The following TIAM1 variants were observed in gnomAD, a reference collection of about 807,000 sequenced individuals.
The protein encoded by TIAM1 is TIAM Rac1 associated GEF 1, also known as rho guanine nucleotide exchange factor TIAM1.
TIAM1 carries 65 observed loss-of-function variants against 163.5 expected under a neutral mutation model. The observed-to-expected ratio is 0.40, with a 90% CI of 0.33 to 0.49. The LOEUF (loss-of-function observed/expected upper bound fraction) is 0.49. Ranked by LOEUF, TIAM1 falls within the 20% of genes least tolerant of loss-of-function variation. The probability of loss-of-function intolerance (pLI) is 0.77; values close to 1 mark genes in which losing one functional copy is unlikely to be tolerated. For synonymous variants in TIAM1, 833 were observed against 810.1 expected (o/e 1.03, Z -0.48); for missense variants, 1,789 against 2,044.7 (o/e 0.87, Z 2.41).
At chr21:31,153,261 G>A (rs374015503) in intron 17 of TIAM1, 127 bp from the exon 18 acceptor site, 16 of 713,004 alleles carry the variant, frequency 2.2e-5, no homozygotes, top group Admixed American at 3.6e-5. Flanking sequence ...ATCCTGTCCC[G>A]AAGGCTAACG....
At chr21:31,420,479 C>G (rs1261673266) in intron 2 of TIAM1, among the ~76,000 whole-genome samples, 1 of 152,188 alleles carries the variant, frequency 6.6e-6, no homozygotes, top group Admixed American at 6.5e-5. Context: ...TCCAGTATCC[C>G]AGACCCTAAA....
intron 2 of TIAM1, among the ~76,000 whole-genome samples, chr21:31,444,082 G>A (rs1295631697): frequency 6.6e-6 from 1 of 152,158 alleles, no homozygotes; most frequent in African/African-American, 2.4e-5. Flanking sequence ...ATTTCATTAA[G>A]TAAAAAATTT....
At chr21:31,329,069 T>C (rs1391538814) in intron 2 of TIAM1, among the ~76,000 whole-genome samples, 1 of 152,224 alleles carries the variant, frequency 6.6e-6, no homozygotes, top group African/African-American at 2.4e-5. Context: ...CTAAATTATA[T>C]GCAAATGCTA....
chr21:31,349,734 C>A lies in TIAM1; in HGVS notation c.-368-10312G>T, dbSNP rs552546164. Reference sequence around the variant, plus strand: ...GTCAGGGAGTATCCCATCGGGGAGGCCTCATTGGGTCATGAGAGAAGCAAG... The same window carrying A: ...GTCAGGGAGTATCCCATCGGGGAGGACTCATTGGGTCATGAGAGAAGCAAG... On this transcript the variant is annotated intron_variant, in intron 2 of 28. Transcript: ENST00000286827. Among the ~76,000 whole-genome samples the A allele has an allele frequency of 6.6e-5, 10 of 152,270 alleles. No homozygotes were observed. In the South Asian group the frequency reaches 1.9e-3, roughly 28 times the overall value.
intron 23 of TIAM1, among the ~76,000 whole-genome samples, chr21:31,134,374 T>C (rs939767727): frequency 6.6e-6 from 1 of 152,142 alleles, no homozygotes; most frequent in Admixed American, 6.5e-5. Context: ...CAAGTGGTGA[T>C]GTTGAAAAGA....
rs949289217 is a variant in TIAM1 at position 31,120,305 on chromosome 21, G to A, written c.*63C>T. ...GGGGACATTCTTGTCGACGGTACAG[G>A]AGGGTGGGCAGAGTTAGGGCAGGAA... is the stretch of plus-strand genomic sequence containing the variant. On this transcript the variant is annotated 3_prime_UTR_variant, in exon 28 of 28. Transcript: ENST00000541036. The surrounding 1 kb of genome is among the most constrained non-coding windows in gnomAD (Gnocchi z 4.2). The A allele has an allele frequency of 7.4e-6, 11 of 1,483,848 alleles. No homozygotes were observed. In the South Asian group the frequency reaches 9.3e-5, roughly 13 times the overall value. The allele number at this position is 1,483,848 out of a possible 1,614,324, so 91.9% of individuals were successfully genotyped here. A position where few individuals can be genotyped will look rare whatever the true frequency, so the allele number is the denominator to read the frequency against.
intron 2 of TIAM1, among the ~76,000 whole-genome samples, chr21:31,456,952 G>A (rs559174926): frequency 1.3e-5 from 2 of 152,206 alleles, no homozygotes; most frequent in East Asian, 3.9e-4. Flanking sequence ...ACCCAACATT[G>A]CACTTGGTTG....
chr21:31,413,398 T>A (rs1471762682), intron 2 of TIAM1, among the ~76,000 whole-genome samples: 1 of 151,246 alleles, frequency 6.6e-6, no homozygotes, highest in East Asian at 2.0e-4. Context: ...GCCTCCCAAG[T>A]AGCTGGGACT....
intron 2 of TIAM1, among the ~76,000 whole-genome samples, chr21:31,449,617 A>T (rs553822078): frequency 6.6e-6 from 1 of 152,212 alleles, no homozygotes; most frequent in Non-Finnish European, 1.5e-5. Context: ...ACCTCAGATG[A>T]TCTGCCCGCC....
At chr21:31,219,517 G>T (rs2087425231) in intron 8 of TIAM1, among the ~76,000 whole-genome samples, 1 of 152,198 alleles carries the variant, frequency 6.6e-6, no homozygotes, top group Non-Finnish European at 1.5e-5. Flanking sequence ...TCAGCGTGTT[G>T]GTTGGAAGGC....
intron 2 of TIAM1, among the ~76,000 whole-genome samples, chr21:31,323,916 G>A (rs1237667047): frequency 1.3e-5 from 2 of 151,722 alleles, no homozygotes; most frequent in African/African-American, 4.8e-5. Flanking sequence ...GCTGAGGTGG[G>A]AGGATCACTG....
rs2074293376 is a variant in TIAM1, at chr21:31,296,886, A to C, written c.-188-19978T>G. ...CATCGTGTTAGCCAGGATGGTCTTGATTTCCTGACCTCATAATCCGCCCGC... is the reference window on the plus strand; with the variant it reads ...CATCGTGTTAGCCAGGATGGTCTTGCTTTCCTGACCTCATAATCCGCCCGC... On this transcript the variant is annotated intron_variant, in intron 2 of 27. Coordinates refer to ENST00000541036, the MANE Select transcript of TIAM1 (RefSeq NM_001353694.2). 3.3e-5 allele frequency among the ~76,000 whole-genome samples: 5 copies of C among 152,068 alleles called. No homozygotes were observed. In the South Asian group the frequency reaches 1.0e-3, roughly 32 times the overall value.
At chr21:31,166,661 T>C (rs2084231546) in intron 15 of TIAM1, among the ~76,000 whole-genome samples, 1 of 152,238 alleles carries the variant, frequency 6.6e-6, no homozygotes. Flanking sequence ...AATCACTCAT[T>C]ACTTGCTCTT....
chr21:31,188,381 C>A (rs1038327408), intron 13 of TIAM1, among the ~76,000 whole-genome samples: 1 of 152,072 alleles, frequency 6.6e-6, no homozygotes, highest in Admixed American at 6.6e-5. Flanking sequence ...TATTTTTACA[C>A]AAGAACCATT....
At chr21:31,496,946 C>G (rs1344893795) in intron 1 of TIAM1, among the ~76,000 whole-genome samples, 1 of 152,202 alleles carries the variant, frequency 6.6e-6, no homozygotes, top group African/African-American at 2.4e-5. Context: ...AAGGAGCACG[C>G]AACCTACATC....
intron 2 of TIAM1, among the ~76,000 whole-genome samples, chr21:31,318,911 T>C (rs751945675): frequency 6.6e-6 from 1 of 152,194 alleles, no homozygotes; most frequent in Non-Finnish European, 1.5e-5. Flanking sequence ...TCCCTCAGGC[T>C]GGAGTGCAGT....
chr21:31,256,250 G>A (rs930715379), intron 4 of TIAM1, among the ~76,000 whole-genome samples: 2 of 152,092 alleles, frequency 1.3e-5, no homozygotes, highest in Non-Finnish European at 2.9e-5. Context: ...AATGATGTGC[G>A]AACACAATTT....
chr21:31,533,986 T>C (rs1602508397), intron 1 of TIAM1, among the ~76,000 whole-genome samples: 1 of 152,172 alleles, frequency 6.6e-6, no homozygotes, highest in Admixed American at 6.5e-5. Flanking sequence ...AGGATGTGCT[T>C]AGCTTTCCTT....
chr21:31,157,086 C>G (rs892683250), intron 16 of TIAM1, among the ~76,000 whole-genome samples: 2 of 152,156 alleles, frequency 1.3e-5, no homozygotes, highest in Admixed American at 6.5e-5. Flanking sequence ...TTACTGTAGG[C>G]TAATTGATAC....
Sources: gnomAD v4.1 joint callset for allele counts (sites outside exome capture counted in the v4.1 genomes callset) on GRCh38, gnomAD v4.1.1 for gene constraint, Gnocchi (gnomAD v3.1) non-coding constraint, MANE v1.5 for transcripts, NCBI Gene and HGNC (gene_info 2026-07-23, HGNC 2026-07-21) for gene names.